S100A13: variants seen among roughly 807,000 people sequenced by gnomAD.
S100A13 encodes the protein S100 calcium binding protein A13.
Under a neutral mutation model 8.2 loss-of-function variants are expected in S100A13, and 6 were observed. The observed-to-expected ratio is 0.73, with a 90% CI of 0.40 to 1.44. The LOEUF is 1.44. Among genes scored for constraint, S100A13 ranks in the 40% most tolerant of loss-of-function variants. S100A13 has a pLI of 0.02. For missense variants in S100A13, 114 were observed against 113.6 expected (o/e 1.00, Z -0.02); for synonymous variants, 39 against 45.9 (o/e 0.85, Z 0.61).
chr1:153,630,018 A>G, upstream of S100A13: 1 of 162,614 alleles, frequency 6.1e-6, no homozygotes, highest in Non-Finnish European at 1.3e-5. Flanking sequence ...TACCAGACTG[A>G]CTCCTTGCTA....
At chr1:153,627,879 A>G, upstream of S100A13, 1 of 723,266 alleles carries the variant, frequency 1.4e-6, no homozygotes, top group Non-Finnish European at 2.3e-6. Flanking sequence ...ACACACACAG[A>G]GGCCCCTTGG....
At chr1:153,631,893 C>G (rs1313056813), upstream of S100A13, 1 of 1,590,392 alleles carries the variant, frequency 6.3e-7, no homozygotes, top group Admixed American at 1.7e-5. Context: ...CCAGACCTGC[C>G]TCTTCCCCCT....
intron 2 of S100A13, among the ~76,000 whole-genome samples, chr1:153,625,108 T>C (rs574579485): frequency 6.6e-6 from 1 of 152,044 alleles, no homozygotes; most frequent in Non-Finnish European, 1.5e-5. Context: ...CAGTGTGGCA[T>C]GCGCCTGTGG....
At chr1:153,630,635 G>A (rs967939955), upstream of S100A13, 9 of 1,614,250 alleles carry the variant, frequency 5.6e-6, no homozygotes, top group Non-Finnish European at 7.6e-6. Flanking sequence ...AAGAGCTGCT[G>A]CAGACGGAGC....
At chr1:153,622,655 A>G (rs965004744) in intron 2 of S100A13, among the ~76,000 whole-genome samples, 7 of 152,196 alleles carry the variant, frequency 4.6e-5, no homozygotes, top group African/African-American at 1.7e-4. Flanking sequence ...CTACAAAAAC[A>G]TTTAAAAATT....
chr1:153,626,282 A>G (rs761697813), intron 2 of S100A13, 38 bp downstream of exon 2: 23 of 1,598,462 alleles, frequency 1.4e-5, no homozygotes, highest in Admixed American at 3.3e-5. Context: ...TCCCATAATC[A>G]TCATCTCACA....
upstream of S100A13, chr1:153,629,276 AC>A (rs1365960691): frequency 6.6e-6 from 1 of 151,392 alleles, no homozygotes; most frequent in Non-Finnish European, 1.5e-5. Context: ...TCCCTCAAGC[AC>A]CCCTTATCCC....
chr1:153,627,822 G>A, upstream of S100A13: 3 of 549,416 alleles, frequency 5.5e-6, no homozygotes, highest in South Asian at 4.4e-5. Context: ...GGGGGAAGAG[G>A]GAGGCAACCA....
At chr1:153,632,131 T>G, upstream of S100A13, 1 of 386,002 alleles carries the variant, frequency 2.6e-6, no homozygotes, top group Non-Finnish European at 4.7e-6. Context: ...GTGTCTTATT[T>G]AGAAAGAGGT....
At chr1:153,630,110 C>T, upstream of S100A13, 1 of 269,082 alleles carries the variant, frequency 3.7e-6, no homozygotes. Flanking sequence ...GCTAGACAGG[C>T]AAGGTCCAGG....
upstream of S100A13, chr1:153,630,929 C>T: frequency 2.1e-6 from 1 of 480,348 alleles, no homozygotes; most frequent in East Asian, 3.3e-5. Flanking sequence ...GAAAGATTGA[C>T]ACTTAAAAGT....
upstream of S100A13, chr1:153,630,941 AACC>A (rs1667978436): frequency 1.1e-5 from 5 of 465,016 alleles, no homozygotes; most frequent in East Asian, 1.7e-4. Flanking sequence ...CTTAAAAGTA[AACC>A]ATGAACTCCA....
At chr1:153,623,319 A>T (rs1667393154) in intron 2 of S100A13, among the ~76,000 whole-genome samples, 1 of 152,058 alleles carries the variant, frequency 6.6e-6, no homozygotes, top group African/African-American at 2.4e-5. Flanking sequence ...TCATTTGCAT[A>T]ACAGAAGACT....
chr1:153,619,975 A>AAAT (rs1197907789), intron 2 of S100A13, among the ~76,000 whole-genome samples: 1 of 152,204 alleles, frequency 6.6e-6, no homozygotes, highest in African/African-American at 2.4e-5. Flanking sequence ...CAGTAAAGAG[A>AAAT]AATAAATAAG....
Position 153,618,900 on chromosome 1 carries a change from T to G in S100A13, c.292A>C (p.Lys98Gln). 6.2e-7 allele frequency: 1 copy of G among 1,614,056 alleles called. No homozygotes were observed. Among genetic ancestry groups the G allele is most frequent in the Non-Finnish European group, 8.5e-7 (1 of 1,179,986 alleles). Residue 98 changes from lysine (K) to glutamine (Q), a missense_variant, in exon 3 of 3, where the codon AAG becomes CAG. Coordinates refer to ENST00000476133, the MANE Select transcript of S100A13 (RefSeq NM_001024211.2). The stretch of plus-strand genomic sequence containing the variant: ...CCCATCTCAGCCAGGCGGCTTTACT[T>G]CTTCCTGATCTTCAGGTCTTTCTTC... ...RKKKDLKIRK[K>Q]
chr1:153,625,905 C>T (rs1233706721), intron 2 of S100A13, among the ~76,000 whole-genome samples: 2 of 152,234 alleles, frequency 1.3e-5, no homozygotes, highest in Admixed American at 6.5e-5. Flanking sequence ...CAGTGGCTTG[C>T]GCCTGTAACC....
upstream of S100A13, chr1:153,630,170 C>A: frequency 2.4e-6 from 1 of 412,384 alleles, no homozygotes; most frequent in African/African-American, 2.0e-5. Flanking sequence ...ACCACCCCTG[C>A]CTGCCCCACC....
chr1:153,619,022 T>C lies in S100A13; in HGVS notation c.170A>G (p.Asp57Gly), dbSNP rs763908126. ...CACATCCAAGCTCTTCATCTTCTCA[T>C]CAAGAGAGCCCACATCCTGAGGAGA... Reference protein sequence around the residue: ...PHLLKDVGSLDEKMKSLDVNQ... With the variant: ...PHLLKDVGSLGEKMKSLDVNQ... Residue 57 changes from aspartate to glycine, a missense_variant, in exon 3 of 3, where the codon GAT (aspartate) becomes GGT (glycine). Physicochemically the swap from Asp to Gly is moderately conservative, Grantham distance 94 (BLOSUM62 -1). Coordinates refer to ENST00000476133, the MANE Select transcript of S100A13 (RefSeq NM_001024211.2). 2 of 1,613,934 alleles carry C rather than the reference T, an allele frequency of 1.2e-6. No homozygotes were observed. The highest frequency in any genetic ancestry group is 1.7e-5 in the Admixed American group (1 of 59,990).
At chr1:153,620,445 AGT>A (rs901466181) in intron 2 of S100A13, among the ~76,000 whole-genome samples, 2 of 149,538 alleles carry the variant, frequency 1.3e-5, no homozygotes, top group African/African-American at 2.5e-5. Context: ...TGGGTGACAG[AGT>A]GAGACTATCT....
Sources: allele counts gnomAD v4.1 joint callset (sites outside exome capture counted in the v4.1 genomes callset), GRCh38; gene constraint gnomAD v4.1.1; transcripts MANE v1.5; gene names NCBI Gene and HGNC (gene_info 2026-07-23, HGNC 2026-07-21).